SLC18A2: variants seen among roughly 807,000 people sequenced by gnomAD.
SLC18A2 encodes synaptic vesicular amine transporter.
SLC18A2 carries 33 observed loss-of-function variants against 59.2 expected under a neutral mutation model. The observed-to-expected ratio is 0.56, with a 90% CI of 0.42 to 0.75. The LOEUF is 0.75. Among genes scored for constraint, SLC18A2 ranks in the 30% least tolerant of loss-of-function variants. SLC18A2 has a pLI of 0.00. For synonymous variants in SLC18A2, 228 were observed against 253.5 expected, an observed-to-expected ratio of 0.90 and a Z score of 0.95; for missense variants, 569 against 668.6, an observed-to-expected ratio of 0.85 and a Z score of 1.64.
At chr10:117,268,572 C>T (rs949122915) in intron 13 of SLC18A2, 1 of 76,628 alleles carries the variant, frequency 1.3e-5, no homozygotes, top group East Asian at 2.7e-4. Context: ...TTGCAGGTTG[C>T]TAACTGTACG....
At chr10:117,249,971 A>G (rs1844144079) in intron 3 of SLC18A2, among the ~76,000 whole-genome samples, 1 of 152,138 alleles carries the variant, frequency 6.6e-6, no homozygotes. Flanking sequence ...AATTGAGACA[A>G]GGGGGGCAAC....
At chr10:117,265,241 G>A (rs1279566302) in intron 10 of SLC18A2, among the ~76,000 whole-genome samples, 1 of 152,220 alleles carries the variant, frequency 6.6e-6, no homozygotes, top group Non-Finnish European at 1.5e-5. Context: ...TTATTTGGAA[G>A]TCCCTGCTGT....
At chr10:117,272,345 C>T (rs1292793967) in intron 15 of SLC18A2, among the ~76,000 whole-genome samples, 1 of 152,180 alleles carries the variant, frequency 6.6e-6, no homozygotes, top group Non-Finnish European at 1.5e-5. Context: ...CCTGAATGGG[C>T]TCCCCTTGCC....
chr10:117,243,281 G>A lies in SLC18A2; in HGVS notation c.122-690G>A, dbSNP rs1194018869. On this transcript the variant is annotated intron_variant, in intron 2 of 15. Transcript: ENST00000644641. Reference sequence around the variant, plus strand: ...TTCTTAGAAGCACTGGTTGACTCCAGGTCAGCACTCTCTTAACGTCAGGCC... The same window carrying A: ...TTCTTAGAAGCACTGGTTGACTCCAAGTCAGCACTCTCTTAACGTCAGGCC... 3.9e-5 allele frequency among the ~76,000 whole-genome samples: 6 copies of A among 152,172 alleles called. No individual in the cohort carries two copies. The South Asian group carries it at 1.0e-3, about 26-fold the overall frequency.
At chr10:117,251,195 G>A (rs1844158507) in intron 3 of SLC18A2, among the ~76,000 whole-genome samples, 3 of 152,206 alleles carry the variant, frequency 2.0e-5, no homozygotes, top group South Asian at 4.1e-4. Context: ...ATTGAACAGA[G>A]GGAGAAGCCT....
rs543240635 is a variant in SLC18A2 at position 117,271,063 on chromosome 10, A to G, written c.1440+600A>G. 2.6e-5 allele frequency among the ~76,000 whole-genome samples: 4 copies of G among 152,342 alleles called. No homozygotes were observed. The South Asian group carries it at 8.3e-4, about 32-fold the overall frequency. On this transcript the variant is annotated intron_variant, in intron 15 of 15. Coordinates refer to ENST00000644641, the MANE Select transcript of SLC18A2 (RefSeq NM_003054.6). ...CCCTCTTTTGAAAAAGTCCAAATTA[A>G]TTGATTCAAAATTTGAATTTTGAAA...
At chr10:117,241,907 G>C (rs1047683221) in intron 2 of SLC18A2, 93 bp downstream of exon 2, 2 of 1,263,304 alleles carry the variant, frequency 1.6e-6, no homozygotes, top group Non-Finnish European at 2.1e-6. Flanking sequence ...CCGGAGCTCC[G>C]CCAAGGCCCG....
At chr10:117,245,596 C>T (rs148065661) in intron 3 of SLC18A2, among the ~76,000 whole-genome samples, 8 of 151,956 alleles carry the variant, frequency 5.3e-5, no homozygotes, top group East Asian at 1.9e-4. Flanking sequence ...TTGTGGGTCT[C>T]GGTGCAAAAT....
At chr10:117,255,137 C>A in intron 6 of SLC18A2, 140 bp from the exon 7 acceptor site, 2 of 748,000 alleles carry the variant, frequency 2.7e-6, no homozygotes, top group South Asian at 1.8e-5. Context: ...GAACTCTAAC[C>A]GAACAGAACA....
chr10:117,257,538 TA>T (rs1294205274), intron 9 of SLC18A2, among the ~76,000 whole-genome samples: 5 of 152,156 alleles, frequency 3.3e-5, no homozygotes. Flanking sequence ...TTGGGTAGGT[TA>T]AACCAAAGGA....
chr10:117,273,817 C>T (rs1844453230), intron 15 of SLC18A2, among the ~76,000 whole-genome samples: 2 of 152,198 alleles, frequency 1.3e-5, no homozygotes, highest in African/African-American at 2.4e-5. Flanking sequence ...CTTTGTATTA[C>T]TTATACTTTT....
intron 10 of SLC18A2, among the ~76,000 whole-genome samples, chr10:117,261,563 A>G (rs1160868150): frequency 6.6e-6 from 1 of 152,132 alleles, no homozygotes; most frequent in Non-Finnish European, 1.5e-5. Context: ...ACCCTTCTTC[A>G]GGTGACCTTA....
chr10:117,243,487 C>T (rs945562667), intron 2 of SLC18A2, among the ~76,000 whole-genome samples: 3 of 152,148 alleles, frequency 2.0e-5, no homozygotes, highest in Non-Finnish European at 4.4e-5. Context: ...GCTCCAATGT[C>T]GTTATAGACA....
chr10:117,248,223 T>A (rs1020366772), intron 3 of SLC18A2, among the ~76,000 whole-genome samples: 7 of 152,062 alleles, frequency 4.6e-5, no homozygotes, highest in African/African-American at 1.7e-4. Context: ...CCTCAGCCTC[T>A]CAAAGTGCTG....
In SLC18A2 at chr10:117,269,035, CAT is replaced by C. The variant is rs943253584; in HGVS notation, c.1187-1034_1187-1033del. The stretch of plus-strand genomic sequence containing the variant: ...ACACTGACACACGCATACACACACA[CAT>C]ACACACATACACCCCCCACATAAAC... On this transcript the variant is annotated intron_variant, in intron 13 of 15. Transcript: ENST00000644641. The surrounding 1 kb of genome is among the most constrained non-coding windows in gnomAD (Gnocchi z 5.1). Among the ~76,000 whole-genome samples, 30 of 148,672 alleles carry C rather than the reference CAT, an allele frequency of 2.0e-4. No individual in the cohort carries two copies. The highest frequency in any genetic ancestry group is 5.9e-4 in the African/African-American group (24 of 41,020).
rs1844390038 is a variant in SLC18A2, at chr10:117,269,115, A to G, written c.1187-956A>G. ...CACATATGCATACATACATACACGT[A>G]GATACACATACACATACAAACACCC... On this transcript the variant is annotated intron_variant, in intron 13 of 15. Transcript: ENST00000644641. This position sits in a 1 kb window ranked among gnomAD's most constrained non-coding sequence, Gnocchi z 5.1. Among the ~76,000 whole-genome samples, 2 of 151,870 alleles carry G rather than the reference A, an allele frequency of 1.3e-5. No homozygotes were observed. The highest frequency in any genetic ancestry group is 1.3e-4 in the Admixed American group (2 of 15,244).
intron 15 of SLC18A2, among the ~76,000 whole-genome samples, chr10:117,272,173 C>G (rs1844435430): frequency 1.3e-5 from 2 of 152,062 alleles, no homozygotes; most frequent in Non-Finnish European, 2.9e-5. Context: ...AGTGACTGGC[C>G]CTGTGGCTCA....
intron 9 of SLC18A2, among the ~76,000 whole-genome samples, chr10:117,255,882 C>A (rs939007608): frequency 6.6e-6 from 1 of 152,182 alleles, no homozygotes; most frequent in Non-Finnish European, 1.5e-5. Context: ...TGGGGAAAAT[C>A]AAAATGGCGT....
intron 15 of SLC18A2, among the ~76,000 whole-genome samples, chr10:117,274,996 G>A (rs1419179534): frequency 6.6e-6 from 1 of 152,130 alleles, no homozygotes; most frequent in African/African-American, 2.4e-5. Flanking sequence ...TGAGGACAGG[G>A]CCCTCAAATT....
Sources: allele counts gnomAD v4.1 joint callset (sites outside exome capture counted in the v4.1 genomes callset), GRCh38; gene constraint gnomAD v4.1.1; non-coding constraint Gnocchi (gnomAD v3.1); transcripts MANE v1.5; gene names NCBI Gene and HGNC (gene_info 2026-07-23, HGNC 2026-07-21).